The following EYA4 variants were observed in gnomAD, a reference collection of about 807,000 sequenced individuals.
EYA4 encodes the protein protein phosphatase EYA4.
Under a neutral mutation model 87.9 loss-of-function variants are expected in EYA4, and 31 were observed. The ratio of observed to expected loss-of-function variants is 0.35; its 90% CI spans 0.27 to 0.48. The LOEUF (loss-of-function observed/expected upper bound fraction) is 0.48. Among genes scored for constraint, EYA4 ranks in the 20% least tolerant of loss-of-function variants. The pLI, the probability that EYA4 is intolerant of heterozygous loss-of-function variation, is 0.99. For missense variants in EYA4, 678 were observed against 761.4 expected (o/e 0.89, Z 1.29); for synonymous variants, 263 against 270.6 (o/e 0.97, Z 0.28).
intron 2 of EYA4, among the ~76,000 whole-genome samples, chr6:133,281,721 T>C (rs971373920): frequency 5.3e-5 from 8 of 152,166 alleles, no homozygotes; most frequent in African/African-American, 1.9e-4. Context: ...AGCACCTAGG[T>C]AGTGAGAATA....
At chr6:133,511,828 A>G (rs1799168173) in intron 14 of EYA4, 1 of 152,114 alleles carries the variant, frequency 6.6e-6, no homozygotes. Flanking sequence ...AAAACACAAA[A>G]AAATTAGCCA....
chr6:133,308,072 C>T (rs1451569928), intron 2 of EYA4, among the ~76,000 whole-genome samples: 1 of 152,112 alleles, frequency 6.6e-6, no homozygotes, highest in South Asian at 2.1e-4. Flanking sequence ...CTTTGCTCCT[C>T]CTTTGCCTTC....
intron 6 of EYA4, among the ~76,000 whole-genome samples, chr6:133,459,796 G>A (rs371626535): frequency 4.6e-5 from 7 of 152,168 alleles, no homozygotes; most frequent in African/African-American, 1.4e-4. Context: ...TCAACGATAC[G>A]TATCAAATTC....
chr6:133,322,037 C>T (rs1363536706), intron 2 of EYA4, among the ~76,000 whole-genome samples: 1 of 152,138 alleles, frequency 6.6e-6, no homozygotes, highest in Non-Finnish European at 1.5e-5. Context: ...TTGTGTTTAT[C>T]ATTGCTATGG....
intron 2 of EYA4, among the ~76,000 whole-genome samples, chr6:133,361,726 T>A (rs7774860): frequency 0.041 from 6,301 of 152,274 alleles, 417 homozygotes; most frequent in African/African-American, 0.14. Flanking sequence ...AGTGAACATG[T>A]TGATCAACTT....
rs539858245 is a variant in EYA4, at chr6:133,530,168, G to A, written c.*1363G>A. 1.8e-4 allele frequency: 182 copies of A among 985,276 alleles called. No homozygotes were observed. The highest frequency in any genetic ancestry group is 2.0e-4 in the Non-Finnish European group (165 of 829,816). 61.0% of individuals were successfully genotyped at this position (985,276 alleles called of 1,614,324 possible). ...AGCAAGTGCGCTGGATCTTGGCAGC[G>A]CTGCTGAAATGACAACAGTAAAATA... is the stretch of plus-strand genomic sequence containing the variant. On this transcript the variant is annotated 3_prime_UTR_variant, in exon 20 of 20. Transcript: ENST00000355286.
intron 2 of EYA4, among the ~76,000 whole-genome samples, chr6:133,314,591 A>T (rs1780483375): frequency 6.6e-6 from 1 of 152,186 alleles, no homozygotes. Context: ...GTAATAAAAC[A>T]TGTTTTTCCT....
chr6:133,439,084 G>C (rs1472816529), intron 3 of EYA4, among the ~76,000 whole-genome samples: 1 of 135,382 alleles, frequency 7.4e-6, no homozygotes, highest in Non-Finnish European at 1.6e-5. Context: ...AAAGTCTTTG[G>C]GTTGGGCGAG....
intron 2 of EYA4, among the ~76,000 whole-genome samples, chr6:133,378,968 T>C (rs565254740): frequency 6.6e-6 from 1 of 151,814 alleles, no homozygotes; most frequent in South Asian, 2.1e-4. Flanking sequence ...TGTGTATTTC[T>C]ATGGAAAAAT....
chr6:133,497,822 A>G (rs1797764902), intron 13 of EYA4, among the ~76,000 whole-genome samples: 1 of 152,116 alleles, frequency 6.6e-6, no homozygotes. Context: ...AAGTTATTCC[A>G]CAGTAAGGAC....
At chr6:133,473,379 A>G (rs1795445130) in intron 11 of EYA4, among the ~76,000 whole-genome samples, 1 of 152,106 alleles carries the variant, frequency 6.6e-6, no homozygotes, top group South Asian at 2.1e-4. Flanking sequence ...AGCAGGACAA[A>G]TATCAAGCAA....
rs1213368545 is a variant in EYA4, at chr6:133,530,751, T to C, written c.*1946T>C. The stretch of plus-strand genomic sequence containing the variant: ...GATTGTGATTTCATTATCTAAACCT[T>C]AAACTTAATCCTTTAAATTTTGTAG... On this transcript the variant is annotated 3_prime_UTR_variant, in exon 20 of 20. Transcript: ENST00000355286. 2.0e-5 allele frequency: 20 copies of C among 986,094 alleles called. No individual in the cohort carries two copies. The highest frequency in any genetic ancestry group is 2.3e-5 in the Non-Finnish European group (19 of 830,034). The allele number at this position is 986,094 out of a possible 1,614,324, so 61.1% of individuals were successfully genotyped here.
At chr6:133,421,181 G>A (rs1160042804) in intron 3 of EYA4, among the ~76,000 whole-genome samples, 1 of 152,168 alleles carries the variant, frequency 6.6e-6, no homozygotes, top group Non-Finnish European at 1.5e-5. Context: ...TTCTCTCTAA[G>A]CAGATGCACC....
rs1018294741 is a variant in EYA4, at chr6:133,518,855, C to G, written c.1616+3420C>G. On this transcript the variant is annotated intron_variant, in intron 17 of 19. Transcript: ENST00000355286. Reference sequence around the variant, plus strand: ...GGATTAAGAATCTCACTCGAAACCGCTCAACTACATGGAAACTGAACAACC... The same window carrying G: ...GGATTAAGAATCTCACTCGAAACCGGTCAACTACATGGAAACTGAACAACC... Among the ~76,000 whole-genome samples the G allele has an allele frequency of 2.0e-5, 3 of 152,162 alleles. No individual in the cohort carries two copies. In the East Asian group the frequency reaches 5.8e-4, roughly 29 times the overall value.
intron 2 of EYA4, among the ~76,000 whole-genome samples, chr6:133,318,501 C>A: frequency 6.6e-6 from 1 of 152,100 alleles, no homozygotes; most frequent in South Asian, 2.1e-4. Flanking sequence ...TCTTCATCTT[C>A]GTATCTATTC....
chr6:133,332,018 C>T (rs774737407), intron 2 of EYA4, among the ~76,000 whole-genome samples: 5 of 152,186 alleles, frequency 3.3e-5, no homozygotes, highest in Non-Finnish European at 5.9e-5. Context: ...AATAAGGAGA[C>T]GGCAAATCAG....
intron 5 of EYA4, among the ~76,000 whole-genome samples, chr6:133,455,476 C>T (rs1583324947): frequency 1.3e-5 from 2 of 152,134 alleles, no homozygotes; most frequent in South Asian, 4.1e-4. Flanking sequence ...TAATTCTGTT[C>T]ATGTGGAAAA....
rs79600023 is a variant in EYA4, at chr6:133,362,478, T to G, written c.34-19914T>G. Among the ~76,000 whole-genome samples the G allele has an allele frequency of 2.7e-3, 410 of 152,316 alleles. 1 individual carries two copies. The highest frequency in any genetic ancestry group is 9.5e-3 in the African/African-American group (394 of 41,554). On this transcript the variant is annotated intron_variant, in intron 2 of 19. Coordinates refer to ENST00000355286, the MANE Select transcript of EYA4 (RefSeq NM_004100.5). ...GCCTCGCAAAACTCTCATAATTCTT[T>G]TGGTGAAGCAGTGATAGAACATGAG...
chr6:133,344,431 AT>A (rs1699022624), intron 2 of EYA4, among the ~76,000 whole-genome samples: 1 of 152,254 alleles, frequency 6.6e-6, no homozygotes, highest in Middle Eastern at 3.4e-3. Flanking sequence ...TGTTATGAGA[AT>A]TTTGCTTTTG....
Sources: allele counts gnomAD v4.1 joint callset (sites outside exome capture counted in the v4.1 genomes callset), GRCh38; gene constraint gnomAD v4.1.1; transcripts MANE v1.5; gene names NCBI Gene and HGNC (gene_info 2026-07-23, HGNC 2026-07-21).